Variants in PTPRN2 observed in about 807,000 individuals in gnomAD.
The protein encoded by PTPRN2 is protein tyrosine phosphatase receptor type N2, also known as receptor-type tyrosine-protein phosphatase N2.
A neutral mutation model predicts 118.8 loss-of-function variants in PTPRN2; 74 were observed. That is an observed-to-expected ratio of 0.62 (90% confidence interval 0.52 to 0.76). The LOEUF (loss-of-function observed/expected upper bound fraction) is 0.76. PTPRN2 is among the 30% of genes least tolerant of loss of function. The probability of loss-of-function intolerance (pLI) is 0.00; values close to 1 mark genes in which losing one functional copy is unlikely to be tolerated. For synonymous variants in PTPRN2, 641 were observed against 608.0 expected, an observed-to-expected ratio of 1.05 and a Z score of -0.80; for missense variants, 1,481 against 1,394.4, an observed-to-expected ratio of 1.06 and a Z score of -0.99.
In PTPRN2 at chr7:157,590,211, TA is replaced by T. The variant is rs956557160; in HGVS notation, c.2496+5026del. Among the ~76,000 whole-genome samples the T allele has an allele frequency of 7.9e-5, 12 of 151,814 alleles. No individual in the cohort carries two copies. The highest frequency in any genetic ancestry group is 1.7e-4 in the African/African-American group (7 of 41,418). On this transcript the variant is annotated intron_variant, in intron 17 of 22. Transcript: ENST00000389418. This position sits in a 1 kb window ranked among gnomAD's most constrained non-coding sequence, Gnocchi z 4.0. ...CTTCCTTTAAAATTGTTCCACACTT[TA>T]AAAAAAAAGTTTATATGACAAAATG...
chr7:157,908,094 G>A (rs1424642120), intron 11 of PTPRN2, among the ~76,000 whole-genome samples: 1 of 152,248 alleles, frequency 6.6e-6, no homozygotes, highest in Non-Finnish European at 1.5e-5. Flanking sequence ...GCCTCAGGGT[G>A]CACATGGGAC....
intron 9 of PTPRN2, among the ~76,000 whole-genome samples, chr7:158,130,517 T>C (rs189296343): frequency 2.5e-4 from 36 of 142,526 alleles, no homozygotes; most frequent in Admixed American, 1.0e-3. Flanking sequence ...CACACACTCA[T>C]ACACACACAC....
At chr7:158,391,769 T>G (rs1811947615) in intron 2 of PTPRN2, among the ~76,000 whole-genome samples, 1 of 152,112 alleles carries the variant, frequency 6.6e-6, no homozygotes, top group South Asian at 2.1e-4. Flanking sequence ...GTTTCCCCAG[T>G]GCCAGGCCCT....
intron 2 of PTPRN2, among the ~76,000 whole-genome samples, chr7:158,322,225 G>A (rs1803082460): frequency 6.6e-6 from 1 of 152,200 alleles, no homozygotes; most frequent in Admixed American, 6.5e-5. Flanking sequence ...GGCCAGGACA[G>A]CCGGGAGACA....
chr7:158,501,491 C>T (rs1822358198), intron 1 of PTPRN2, among the ~76,000 whole-genome samples: 2 of 152,254 alleles, frequency 1.3e-5, no homozygotes, highest in Admixed American at 6.5e-5. Context: ...ATCCCCGACA[C>T]AACGCCAGGC....
At chr7:158,511,343 A>G (rs1351542317) in intron 1 of PTPRN2, among the ~76,000 whole-genome samples, 1 of 152,244 alleles carries the variant, frequency 6.6e-6, no homozygotes, top group Admixed American at 6.5e-5. Flanking sequence ...TTGTGATGTT[A>G]TTAAGTGGAT....
intron 1 of PTPRN2, among the ~76,000 whole-genome samples, chr7:158,508,404 G>A (rs1489087886): frequency 6.6e-6 from 1 of 152,204 alleles, no homozygotes; most frequent in Admixed American, 6.5e-5. Flanking sequence ...GGAGAGTCAG[G>A]AGTGAGGAGG....
At chr7:158,359,743 A>C (rs1032639766) in intron 2 of PTPRN2, among the ~76,000 whole-genome samples, 2 of 152,214 alleles carry the variant, frequency 1.3e-5, no homozygotes, top group Non-Finnish European at 2.9e-5. Context: ...TGAACGGATA[A>C]TGAAAGCAAT....
chr7:157,928,457 ATGG>A (rs1186089424), intron 11 of PTPRN2, among the ~76,000 whole-genome samples: 1 of 152,108 alleles, frequency 6.6e-6, no homozygotes, highest in Non-Finnish European at 1.5e-5. Context: ...TCTTCTTGTG[ATGG>A]TGGGATGGAC....
In PTPRN2 at chr7:158,316,937, G is replaced by A; in HGVS notation, c.164-5C>T. On this transcript the variant is annotated splice_polypyrimidine_tract_variant and splice_region_variant and intron_variant, in intron 2 of 22. Coordinates refer to ENST00000389418, the MANE Select transcript of PTPRN2 (RefSeq NM_002847.5). ...GGCACCTTCCAAACACTCCATCTGT[G>A]AGAAGGGAAGGAGATAAGACAGAAC... 6.3e-7 allele frequency: 1 copy of A among 1,599,608 alleles called. No individual in the cohort carries two copies. Among genetic ancestry groups the A allele is most frequent in the Non-Finnish European group, 8.5e-7 (1 of 1,170,492 alleles).
At chr7:158,485,455 C>A (rs1394262156) in intron 2 of PTPRN2, among the ~76,000 whole-genome samples, 1 of 63,214 alleles carries the variant, frequency 1.6e-5, no homozygotes, top group Non-Finnish European at 3.2e-5. Flanking sequence ...TCGGCCACCC[C>A]TCTCTGCGCC....
At chr7:157,687,964 A>G (rs1484213835) in intron 12 of PTPRN2, among the ~76,000 whole-genome samples, 1 of 152,252 alleles carries the variant, frequency 6.6e-6, no homozygotes, top group African/African-American at 2.4e-5. Flanking sequence ...AAATCTTTTC[A>G]GAAGCTATTA....
chr7:158,261,848 T>C (rs1797420358), intron 3 of PTPRN2, among the ~76,000 whole-genome samples: 1 of 152,212 alleles, frequency 6.6e-6, no homozygotes, highest in Non-Finnish European at 1.5e-5. Flanking sequence ...TTTCGAATAT[T>C]CTGACGGGGC....
chr7:157,696,993 G>A (rs13310355), intron 12 of PTPRN2, among the ~76,000 whole-genome samples: 6 of 91,404 alleles, frequency 6.6e-5, no homozygotes, highest in South Asian at 4.8e-4. Context: ...ACTGGGTCTT[G>A]GCAGAGCCCT....
intron 12 of PTPRN2, among the ~76,000 whole-genome samples, chr7:157,701,417 G>A (rs1176383311): frequency 6.6e-6 from 1 of 152,190 alleles, no homozygotes; most frequent in Non-Finnish European, 1.5e-5. Context: ...TTCAATAATA[G>A]TATCAGTCTT....
Position 157,549,162 on chromosome 7 carries a change from G to A in PTPRN2, c.2903-143C>T, listed in dbSNP as rs541400099. ...CTCATCCCTCAGCCGGCTGGCAGGC[G>A]GCTGCAATTTCAGTGTTCATGTAGA... On this transcript the variant is annotated intron_variant, in intron 21 of 22. Coordinates refer to ENST00000389418, the MANE Select transcript of PTPRN2 (RefSeq NM_002847.5). 1.5e-4 allele frequency: 114 copies of A among 773,526 alleles called. 1 individual carries two copies. The East Asian group carries it at 2.2e-3, about 15-fold the overall frequency. The allele number at this position is 773,526 out of a possible 1,614,324, so 47.9% of individuals were successfully genotyped here.
chr7:157,945,879 C>T (rs989169299), intron 11 of PTPRN2, among the ~76,000 whole-genome samples: 2 of 152,140 alleles, frequency 1.3e-5, no homozygotes, highest in South Asian at 2.1e-4. Flanking sequence ...GGGTCACCAA[C>T]AGCTGGGGCA....
At chr7:158,261,636 G>A (rs556470914) in intron 3 of PTPRN2, among the ~76,000 whole-genome samples, 25 of 152,228 alleles carry the variant, frequency 1.6e-4, no homozygotes, top group African/African-American at 5.1e-4. Context: ...CACACGAAGA[G>A]GATAAAACAG....
At chr7:157,758,222 C>T (rs1347881818) in intron 12 of PTPRN2, among the ~76,000 whole-genome samples, 1 of 152,238 alleles carries the variant, frequency 6.6e-6, no homozygotes, top group Non-Finnish European at 1.5e-5. Context: ...GTACTAATGC[C>T]GACCACATCC....
Sources: gnomAD v4.1 joint callset for allele counts (sites outside exome capture counted in the v4.1 genomes callset) on GRCh38, gnomAD v4.1.1 for gene constraint, Gnocchi (gnomAD v3.1) non-coding constraint, MANE v1.5 for transcripts, NCBI Gene and HGNC (gene_info 2026-07-23, HGNC 2026-07-21) for gene names.